METTL15: variants seen among roughly 807,000 people sequenced by gnomAD.
METTL15 encodes methyltransferase 15, mitochondrial 12S rRNA N4-cytidine, also known as 12S rRNA N(4)-cytidine methyltransferase METTL15.
Under a neutral mutation model 38.3 loss-of-function variants are expected in METTL15, and 34 were observed. The observed-to-expected ratio is 0.89, with a 90% CI of 0.68 to 1.18. The LOEUF is 1.18. Among genes scored for constraint, METTL15 ranks in the 50% most tolerant of loss-of-function variants. The pLI is 0.00. For synonymous variants in METTL15, 162 were observed against 170.9 expected, an observed-to-expected ratio of 0.95 and a Z score of 0.41; for missense variants, 438 against 498.4, an observed-to-expected ratio of 0.88 and a Z score of 1.15.
At chr11:28,120,200 C>T (rs1025763565) in intron 3 of METTL15, among the ~76,000 whole-genome samples, 1 of 151,538 alleles carries the variant, frequency 6.6e-6, no homozygotes, top group African/African-American at 2.4e-5. Flanking sequence ...GATCTGCCCG[C>T]CTCAGCCTCC....
At chr11:28,126,433 C>T (rs925958223) in intron 3 of METTL15, among the ~76,000 whole-genome samples, 17 of 152,066 alleles carry the variant, frequency 1.1e-4, no homozygotes, top group African/African-American at 4.1e-4. Flanking sequence ...CTGACTTTTA[C>T]CACTGTATCC....
chr11:28,383,133 G>C (rs571688664), intron 5 of METTL15, among the ~76,000 whole-genome samples: 2 of 151,948 alleles, frequency 1.3e-5, no homozygotes, highest in Non-Finnish European at 2.9e-5. Flanking sequence ...TATCTCTCAG[G>C]TAGGCCCCAG....
intron 5 of METTL15, among the ~76,000 whole-genome samples, chr11:28,423,268 C>T (rs1850836797): frequency 6.6e-6 from 1 of 151,966 alleles, no homozygotes; most frequent in Non-Finnish European, 1.5e-5. Flanking sequence ...AGTACAACCA[C>T]TATGGAGAAC....
At chr11:28,426,100 C>T (rs1445712841) in intron 6 of METTL15, among the ~76,000 whole-genome samples, 1 of 152,144 alleles carries the variant, frequency 6.6e-6, no homozygotes, top group Non-Finnish European at 1.5e-5. Flanking sequence ...TCCTCCTCCC[C>T]ACCCACACTC....
Position 28,330,926 on chromosome 11 carries a change from G to A in METTL15, c.*85G>A, listed in dbSNP as rs1198876671. The stretch of plus-strand genomic sequence containing the variant: ...TTATGTCCCTGAATGTCTTGGTATA[G>A]GTTTAAGTGTGGGACAGTCTGAAAA... On this transcript the variant is annotated 3_prime_UTR_variant, in exon 7 of 7. Coordinates refer to ENST00000407364, the MANE Select transcript of METTL15 (RefSeq NM_001113528.2). The A allele has an allele frequency of 1.0e-6, 1 of 979,740 alleles. No individual in the cohort carries two copies. Among genetic ancestry groups the A allele is most frequent in the Non-Finnish European group, 1.5e-6 (1 of 670,018 alleles). The allele number at this position is 979,740 out of a possible 1,614,324, so 60.7% of individuals were successfully genotyped here.
intron 3 of METTL15, among the ~76,000 whole-genome samples, chr11:28,190,757 C>T (rs1851671916): frequency 6.6e-6 from 1 of 151,038 alleles, no homozygotes; most frequent in African/African-American, 2.4e-5. Context: ...ATGAGGGAGA[C>T]AATGTTTACT....
intron 3 of METTL15, chr11:28,145,371 T>G (rs1849845525): frequency 1.3e-5 from 2 of 152,130 alleles, no homozygotes; most frequent in Non-Finnish European, 2.9e-5. Context: ...TTTTTAAATT[T>G]AATTTTTTTA....
rs755111359 is a variant in METTL15, at chr11:28,257,687, T to C, written c.408-32519T>C. Among the ~76,000 whole-genome samples the C allele has an allele frequency of 1.1e-3, 161 of 152,308 alleles. 2 individuals are homozygous for C. Among genetic ancestry groups the C allele is most frequent in the Non-Finnish European group, 3.1e-4 (21 of 68,022 alleles). The stretch of plus-strand genomic sequence containing the variant: ...CTGCTATTAACAGATTCCGATGCAT[T>C]CTTCAGTATGCCAATTGCATTTTTC... On this transcript the variant is annotated intron_variant, in intron 4 of 6. Transcript: ENST00000407364.
chr11:28,167,280 A>G (rs1042344005), intron 3 of METTL15, among the ~76,000 whole-genome samples: 1 of 152,162 alleles, frequency 6.6e-6, no homozygotes, highest in African/African-American at 2.4e-5. Context: ...AAAGGAATTT[A>G]TTGAAGTAGG....
intron 4 of METTL15, among the ~76,000 whole-genome samples, chr11:28,235,021 T>G (rs1221631601): frequency 5.3e-5 from 8 of 152,130 alleles, no homozygotes; most frequent in Non-Finnish European, 1.0e-4. Flanking sequence ...GCTTTCTACA[T>G]GTGGCTAGCC....
Position 28,163,201 on chromosome 11 carries a change from C to T in METTL15, c.271-47861C>T, listed in dbSNP as rs886529137. Reference sequence around the variant, plus strand: ...CGTAGTCAAGAAGAAGCAACTCATTCTTGGGTGTGATAATGAGTGGAGAAA... The same window carrying T: ...CGTAGTCAAGAAGAAGCAACTCATTTTTGGGTGTGATAATGAGTGGAGAAA... On this transcript the variant is annotated intron_variant, in intron 3 of 6. Transcript: ENST00000407364. 9 of 393,414 alleles carry T rather than the reference C, an allele frequency of 2.3e-5. No individual in the cohort carries two copies. In the Admixed American group the frequency reaches 4.0e-4, roughly 17 times the overall value. The allele number at this position is 393,414 out of a possible 1,614,324, so 24.4% of individuals were successfully genotyped here.
intron 3 of METTL15, among the ~76,000 whole-genome samples, chr11:28,129,117 A>G (rs1852630549): frequency 6.6e-6 from 1 of 152,244 alleles, no homozygotes; most frequent in Non-Finnish European, 1.5e-5. Flanking sequence ...ATGTTCTAAT[A>G]ACATATTCTC....
chr11:28,430,046 G>A (rs1299606559), intron 6 of METTL15, among the ~76,000 whole-genome samples: 2,261 of 142,122 alleles, frequency 0.016, 32 homozygotes, highest in African/African-American at 0.045. Flanking sequence ...CTGCCCGGCC[G>A]AGACCCCATC....
intron 4 of METTL15, among the ~76,000 whole-genome samples, chr11:28,243,215 A>C (rs1854373967): frequency 6.6e-6 from 1 of 152,140 alleles, no homozygotes; most frequent in Admixed American, 6.6e-5. Flanking sequence ...GCCGTCATTG[A>C]TGTAAGTTTA....
At chr11:28,433,592 TAAG>T (rs1312040869) in intron 6 of METTL15, among the ~76,000 whole-genome samples, 3 of 152,272 alleles carry the variant, frequency 2.0e-5, no homozygotes, top group Admixed American at 2.0e-4. Flanking sequence ...TGACATGTAA[TAAG>T]AATATACGGT....
intron 4 of METTL15, among the ~76,000 whole-genome samples, chr11:28,259,604 G>A (rs534510279): frequency 6.6e-6 from 1 of 152,306 alleles, no homozygotes; most frequent in South Asian, 2.1e-4. Flanking sequence ...GCACATGTCA[G>A]CTGAATTTGG....
intron 6 of METTL15, among the ~76,000 whole-genome samples, chr11:28,427,542 A>G (rs1196695960): frequency 6.6e-6 from 1 of 152,182 alleles, no homozygotes; most frequent in Non-Finnish European, 1.5e-5. Flanking sequence ...CATTGTCACC[A>G]TATTGATTCT....
chr11:28,149,008 A>G (rs1373647122), intron 3 of METTL15, among the ~76,000 whole-genome samples: 1 of 151,964 alleles, frequency 6.6e-6, no homozygotes, highest in African/African-American at 2.4e-5. Context: ...TTGGTACCAC[A>G]TTGTTTAGCA....
At chr11:28,317,790 G>A (rs919041469) in intron 6 of METTL15, among the ~76,000 whole-genome samples, 1 of 152,116 alleles carries the variant, frequency 6.6e-6, no homozygotes, top group Non-Finnish European at 1.5e-5. Flanking sequence ...CTTACTTTAT[G>A]TGAAATTCTT....
Sources: gnomAD v4.1 joint callset for allele counts (sites outside exome capture counted in the v4.1 genomes callset) on GRCh38, gnomAD v4.1.1 for gene constraint, MANE v1.5 for transcripts, NCBI Gene and HGNC (gene_info 2026-07-23, HGNC 2026-07-21) for gene names.